TNRC6C: variants seen among roughly 807,000 people sequenced by gnomAD.
The protein encoded by TNRC6C is trinucleotide repeat containing adaptor 6C.
In TNRC6C, 20 loss-of-function variants were observed where a neutral mutation model predicts 153.7. The observed-to-expected ratio is 0.13, with a 90% CI of 0.09 to 0.19. The LOEUF is 0.19. Among genes scored for constraint, TNRC6C ranks in the 10% least tolerant of loss-of-function variants. The pLI is 1.00. For missense variants in TNRC6C, 1,987 were observed against 2,172.0 expected, an observed-to-expected ratio of 0.91 and a Z score of 1.69; for synonymous variants, 811 against 841.4, an observed-to-expected ratio of 0.96 and a Z score of 0.63.
At chr17:78,047,255 TTAGA>T (rs994782772) in intron 2 of TNRC6C, among the ~76,000 whole-genome samples, 8 of 152,212 alleles carry the variant, frequency 5.3e-5, no homozygotes, top group Admixed American at 2.6e-4. Context: ...AGTTATTATA[TTAGA>T]TAGTTTTTAG....
At chr17:77,981,966 C>T (rs1598646699) in intron 1 of TNRC6C, among the ~76,000 whole-genome samples, 1 of 152,136 alleles carries the variant, frequency 6.6e-6, no homozygotes, top group East Asian at 1.9e-4. Context: ...TAACCTCCAG[C>T]GTGATGGTGT....
At chr17:77,996,324 AAAAG>A (rs903946157) in intron 1 of TNRC6C, among the ~76,000 whole-genome samples, 5 of 152,272 alleles carry the variant, frequency 3.3e-5, no homozygotes, top group African/African-American at 1.2e-4. Context: ...AAGGAGAAAA[AAAAG>A]AGGAACATTT....
chr17:78,090,649 T>A (rs2073377042), intron 13 of TNRC6C, among the ~76,000 whole-genome samples: 1 of 152,228 alleles, frequency 6.6e-6, no homozygotes, highest in Non-Finnish European at 1.5e-5. Context: ...ATCATCTTTC[T>A]TTATTAACCT....
At chr17:78,015,715 C>T (rs1436410815) in intron 1 of TNRC6C, among the ~76,000 whole-genome samples, 1 of 152,146 alleles carries the variant, frequency 6.6e-6, no homozygotes, top group Non-Finnish European at 1.5e-5. Flanking sequence ...AGTTCCAGAC[C>T]AGCCTGGCCA....
chr17:78,091,603 G>C, exon 14 of TNRC6C: 4 of 1,547,036 alleles, frequency 2.6e-6, no homozygotes, highest in Non-Finnish European at 3.5e-6. Flanking sequence ...ACCCTAGCAA[G>C]CATGGTACGT....
chr17:78,023,320 T>C (rs950942728), intron 1 of TNRC6C, among the ~76,000 whole-genome samples: 5 of 152,200 alleles, frequency 3.3e-5, no homozygotes, highest in Admixed American at 6.5e-5. Context: ...AGCCATCCAG[T>C]GTCAGTTATT....
intron 3 of TNRC6C, among the ~76,000 whole-genome samples, chr17:78,054,313 A>G (rs960648555): frequency 6.6e-6 from 1 of 152,034 alleles, no homozygotes. Flanking sequence ...ACTGCAGACT[A>G]CGCACACCAC....
At chr17:78,034,297 T>C (rs1017330836) in intron 2 of TNRC6C, among the ~76,000 whole-genome samples, 1 of 151,884 alleles carries the variant, frequency 6.6e-6, no homozygotes, top group African/African-American at 2.4e-5. Flanking sequence ...CCTCAGGTGA[T>C]CCGCCTGCCT....
At chr17:78,085,460 A>G (rs1051036558) in intron 11 of TNRC6C, among the ~76,000 whole-genome samples, 1 of 152,202 alleles carries the variant, frequency 6.6e-6, no homozygotes, top group East Asian at 1.9e-4. Context: ...TTCTAATAGT[A>G]TAATCTCCAC....
At position 78,049,099 on chromosome 17, in the gene TNRC6C, C is replaced by T. The variant is rs764989372; in HGVS notation, c.37C>T (p.His13Tyr). 6.4e-7 allele frequency: 1 copy of T among 1,573,388 alleles called. No homozygotes were observed. The highest frequency in any genetic ancestry group is 1.8e-5 in the Admixed American group (1 of 56,568). ...GAGTGCCCAGGGCAACTTCACTGGA[C>T]ATACCAAGAAGACAAATGGCAATAA... is the stretch of plus-strand genomic sequence containing the variant. The change falls in exon 3 of 20, where the codon CAT becomes TAT. Residue 13 changes from histidine to tyrosine, a missense_variant. Physicochemically the swap from His to Tyr is moderately conservative, Grantham distance 83. Around this residue, in one of 4 missense-constraint regions of TNRC6C, gnomAD observed 1,052 missense variants for 1,017.0 expected, o/e 1.03. Transcript: ENST00000301624. This position sits in a 1 kb window ranked among gnomAD's most constrained non-coding sequence, Gnocchi z 4.1.
intron 1 of TNRC6C, among the ~76,000 whole-genome samples, chr17:77,998,626 A>T (rs908912678): frequency 6.6e-6 from 1 of 152,096 alleles, no homozygotes; most frequent in African/African-American, 2.4e-5. Flanking sequence ...TGAAGTTTTA[A>T]ATTCAGATGG....
chr17:77,975,120 A>G (rs753814345), intron 1 of TNRC6C, among the ~76,000 whole-genome samples: 5 of 152,222 alleles, frequency 3.3e-5, no homozygotes, highest in East Asian at 1.9e-4. Flanking sequence ...ATGGGGGGAA[A>G]AAAATTCTTC....
chr17:78,005,140 G>T, intron 1 of TNRC6C, 61 bp downstream of exon 3: 1 of 1,145,964 alleles, frequency 8.7e-7, no homozygotes, highest in Non-Finnish European at 1.1e-6. Flanking sequence ...TTATGACCAG[G>T]ATGACTTTTT....
intron 1 of TNRC6C, among the ~76,000 whole-genome samples, chr17:78,009,440 TTTAACTTCA>T (rs2071583513): frequency 6.6e-6 from 1 of 152,230 alleles, no homozygotes; most frequent in South Asian, 2.1e-4. Context: ...GCCAGATTTG[TTTAACTTCA>T]TAAAGTAGAT....
At chr17:78,086,622 A>G (rs993533024) in intron 12 of TNRC6C, 36 bp downstream of exon 14, 46 of 1,600,970 alleles carry the variant, frequency 2.9e-5, no homozygotes, top group Non-Finnish European at 3.5e-5. Context: ...GTCATGAGCT[A>G]TAATTTTCCC....
chr17:78,098,443 T>G (rs893671669), exon 17 of TNRC6C: 2 of 1,613,972 alleles, frequency 1.2e-6, no homozygotes, highest in African/African-American at 2.7e-5. Context: ...GAAACAGTAC[T>G]GCACCCACGA....
chr17:77,965,705 A>C (rs1422459496), intron 1 of TNRC6C, among the ~76,000 whole-genome samples: 1 of 152,228 alleles, frequency 6.6e-6, no homozygotes, highest in Non-Finnish European at 1.5e-5. Context: ...AGAGAAAGCA[A>C]TACATGTGAA....
Position 78,049,730 on chromosome 17 carries a change from A to C in TNRC6C, c.668A>C (p.Gln223Pro). 6.3e-7 allele frequency: 1 copy of C among 1,594,686 alleles called. No homozygotes were observed. Among genetic ancestry groups the C allele is most frequent in the Non-Finnish European group, 8.6e-7 (1 of 1,168,770 alleles). Residue 223 changes from glutamine to proline, a missense_variant, in exon 3 of 20, where the codon CAA becomes CCA. Transcript: ENST00000301624. The surrounding 1 kb of genome is among the most constrained non-coding windows in gnomAD (Gnocchi z 4.1). ...GGGGCCATCATCCCGCCCCACCTGC[A>C]AGGCCTTCCTGGTGCTAATGGATCA...
chr17:78,107,353 G>A (rs1032812546), exon 20 of TNRC6C: 8 of 152,074 alleles, frequency 5.3e-5, no homozygotes, highest in African/African-American at 1.9e-4. Context: ...GGCTCTTAAT[G>A]TTTTCCTCAT....
Sources: allele counts gnomAD v4.1 joint callset (sites outside exome capture counted in the v4.1 genomes callset), GRCh38; gene constraint gnomAD v4.1.1; regional missense constraint gnomAD v4.1.1; non-coding constraint Gnocchi (gnomAD v3.1); transcripts MANE v1.5; gene names NCBI Gene and HGNC (gene_info 2026-07-23, HGNC 2026-07-21).